ANKRD28: variants seen among roughly 807,000 people sequenced by gnomAD.
ANKRD28 encodes serine/threonine-protein phosphatase 6 regulatory ankyrin repeat subunit A.
ANKRD28 carries 44 observed loss-of-function variants against 126.5 expected under a neutral mutation model. That is an observed-to-expected ratio of 0.35 (90% CI 0.27 to 0.45). ANKRD28 has a LOEUF of 0.45. Ranked by LOEUF, ANKRD28 falls within the 20% of genes least tolerant of loss-of-function variation. ANKRD28 has a pLI of 1.00. For synonymous variants in ANKRD28, 442 were observed against 468.5 expected (o/e 0.94, Z 0.73); for missense variants, 1,110 against 1,316.6 (o/e 0.84, Z 2.43).
intron 25 of ANKRD28, 82 bp from the exon 26 acceptor site, chr3:15,677,138 C>T: frequency 8.9e-7 from 1 of 1,124,532 alleles, no homozygotes; most frequent in Non-Finnish European, 1.3e-6. Flanking sequence ...CAATCCTAGT[C>T]CATATATTAT....
Position 15,714,480 on chromosome 3 carries a change from G to T in ANKRD28, c.1075+98C>A, listed in dbSNP as rs992064513. 9.8e-6 allele frequency: 8 copies of T among 817,742 alleles called. No individual in the cohort carries two copies. The Admixed American group carries it at 1.9e-4, about 19-fold the overall frequency. 50.7% of individuals were successfully genotyped at this position (817,742 alleles called of 1,614,324 possible). A position where few individuals can be genotyped will look rare whatever the true frequency, so the allele number is the denominator to read the frequency against. ...CATGTATTAAAAATACACAAAATGCGATGACAATTCCTCAATACCATTCAT... is the reference window on the plus strand; with the variant it reads ...CATGTATTAAAAATACACAAAATGCTATGACAATTCCTCAATACCATTCAT... On this transcript the variant is annotated intron_variant, in intron 9 of 27. Transcript: ENST00000683139.
chr3:15,684,098 C>A (rs919323884), intron 21 of ANKRD28: 1 of 152,160 alleles, frequency 6.6e-6, no homozygotes, highest in Non-Finnish European at 1.5e-5. Flanking sequence ...CCTCTAATTT[C>A]TCTACTAAAG....
intron 27 of ANKRD28, among the ~76,000 whole-genome samples, chr3:15,673,028 GT>G (rs55682499): frequency 1 from 152,386 of 152,386 alleles, 76,193 homozygotes; most frequent in Non-Finnish European, 1. Context: ...CACTCGCCTT[GT>G]GCCTCCCAAA....
intron 27 of ANKRD28, among the ~76,000 whole-genome samples, chr3:15,672,342 T>C (rs1210286959): frequency 6.6e-6 from 1 of 151,788 alleles, no homozygotes; most frequent in Non-Finnish European, 1.5e-5. Flanking sequence ...GGGTCTCGCT[T>C]TGTTCCCCAG....
chr3:15,761,433 C>A (rs1037938131), intron 3 of ANKRD28, among the ~76,000 whole-genome samples: 3 of 152,016 alleles, frequency 2.0e-5, no homozygotes, highest in Admixed American at 6.6e-5. Context: ...ATTTATAACT[C>A]AACTTACCAT....
intron 18 of ANKRD28, 116 bp downstream of exon 18, chr3:15,689,903 G>GAA: frequency 8.7e-5 from 63 of 720,364 alleles, no homozygotes; most frequent in Non-Finnish European, 1.1e-4. Flanking sequence ...TATATGATTT[G>GAA]AAAAAAAAAA....
chr3:15,676,395 A>G (rs1440382894), intron 26 of ANKRD28, among the ~76,000 whole-genome samples: 1 of 152,228 alleles, frequency 6.6e-6, no homozygotes, highest in African/African-American at 2.4e-5. Flanking sequence ...GGCTTTGAAA[A>G]CAGCTTACAA....
chr3:15,725,462 T>A (rs1490417743), intron 6 of ANKRD28, among the ~76,000 whole-genome samples: 1 of 152,248 alleles, frequency 6.6e-6, no homozygotes, highest in Non-Finnish European at 1.5e-5. Context: ...TCATTTCTAA[T>A]GCTGGCATAC....
intron 3 of ANKRD28, among the ~76,000 whole-genome samples, chr3:15,754,934 T>C (rs2125411540): frequency 6.6e-6 from 1 of 152,120 alleles, no homozygotes; most frequent in Admixed American, 6.5e-5. Context: ...CTGGCCAACA[T>C]GGTGAAACCC....
chr3:15,676,886 T>A (rs1559313874), intron 26 of ANKRD28, 88 bp downstream of exon 26: 5 of 1,095,542 alleles, frequency 4.6e-6, no homozygotes, highest in Non-Finnish European at 2.7e-6. Context: ...ATGAAACCTA[T>A]TCCAATAGTC....
intron 1 of ANKRD28, among the ~76,000 whole-genome samples, chr3:15,841,869 G>A (rs2061429704): frequency 2.0e-5 from 3 of 151,952 alleles, no homozygotes. Context: ...ACAGTTTGGA[G>A]GTTCCTCAAA....
intron 2 of ANKRD28, among the ~76,000 whole-genome samples, chr3:15,775,320 T>A (rs1021983471): frequency 6.6e-6 from 1 of 152,244 alleles, no homozygotes; most frequent in Non-Finnish European, 1.5e-5. Flanking sequence ...GTTTTTCCCC[T>A]TCTACTCACA....
intron 2 of ANKRD28, among the ~76,000 whole-genome samples, chr3:15,782,957 T>A (rs1205155871): frequency 1.3e-5 from 2 of 152,118 alleles, no homozygotes; most frequent in Non-Finnish European, 2.9e-5. Context: ...TTTCAGTGGA[T>A]TTGTTGATAA....
At position 15,729,729 on chromosome 3, in the gene ANKRD28, C is replaced by T. The variant is rs1051742942; in HGVS notation, c.641-5205G>A. ...AAAATTAAGCCAAGATACTGCAAGACGCATAAAGAACCAGGCAGATTCAGT... is the reference window on the plus strand; with the variant it reads ...AAAATTAAGCCAAGATACTGCAAGATGCATAAAGAACCAGGCAGATTCAGT... On this transcript the variant is annotated intron_variant, in intron 6 of 27. Coordinates refer to ENST00000683139, the MANE Select transcript of ANKRD28 (RefSeq NM_001349278.2). Among the ~76,000 whole-genome samples, 5 of 152,122 alleles carry T rather than the reference C, an allele frequency of 3.3e-5. 1 individual carries two copies. Among genetic ancestry groups the T allele is most frequent in the African/African-American group, 7.2e-5 (3 of 41,494 alleles).
At chr3:15,674,413 A>G (rs150056187) in intron 27 of ANKRD28, among the ~76,000 whole-genome samples, 123 of 152,120 alleles carry the variant, frequency 8.1e-4, no homozygotes, top group African/African-American at 2.7e-3. Flanking sequence ...AAGAATGAGA[A>G]TTGTCTTCAA....
At chr3:15,724,823 A>T (rs28562411) in intron 6 of ANKRD28, among the ~76,000 whole-genome samples, 1 of 151,554 alleles carries the variant, frequency 6.6e-6, no homozygotes, top group Non-Finnish European at 1.5e-5. Context: ...CACCAAAAAT[A>T]AAAAAAAATT....
chr3:15,798,759 T>C (rs567300122), upstream of ANKRD28, among the ~76,000 whole-genome samples: 8 of 152,192 alleles, frequency 5.3e-5, no homozygotes, highest in South Asian at 1.7e-3. Context: ...TCAAAGCCAA[T>C]CATTTCATCG....
chr3:15,681,682 A>G (rs1402005335), intron 21 of ANKRD28, among the ~76,000 whole-genome samples: 2 of 152,196 alleles, frequency 1.3e-5, no homozygotes, highest in Admixed American at 6.5e-5. Flanking sequence ...TAATTTTTAG[A>G]AAAACCTGTA....
rs562111487 is a variant in ANKRD28 at position 15,859,452 on chromosome 3, CGCT to C, written c.-52_-50del. The C allele has an allele frequency of 7.8e-3, 11,621 of 1,488,898 alleles. 728 individuals are homozygous for C. In the African/African-American group the frequency reaches 0.14, roughly 18 times the overall value. The allele number at this position is 1,488,898 out of a possible 1,614,324, so 92.2% of individuals were successfully genotyped here. A position where few individuals can be genotyped will look rare whatever the true frequency, so the allele number is the denominator to read the frequency against. On this transcript the variant is annotated 5_prime_UTR_variant, in exon 1 of 28. Coordinates refer to the ANKRD28 transcript ENST00000399451. ...CAGCCTCCTCCTCCTCCGCCGCTGC[CGCT>C]GCCGCCGCCGACCGGCCCACTGCTC...
Sources: allele counts gnomAD v4.1 joint callset (sites outside exome capture counted in the v4.1 genomes callset), GRCh38; gene constraint gnomAD v4.1.1; transcripts MANE v1.5; gene names NCBI Gene and HGNC (gene_info 2026-07-23, HGNC 2026-07-21).